Variants in CFAP77 observed in about 807,000 individuals in gnomAD.
The protein encoded by CFAP77 is cilia- and flagella-associated protein 77.
In CFAP77, 25 loss-of-function variants were observed where a neutral mutation model predicts 31.1. The ratio of observed to expected loss-of-function variants is 0.80; its 90% confidence interval spans 0.59 to 1.12. The LOEUF (loss-of-function observed/expected upper bound fraction) is 1.12, where lower values mean the gene tolerates loss of function less well. CFAP77 is among the 50% of genes most tolerant of loss of function. The probability of loss-of-function intolerance (pLI) is 0.00; values close to 1 mark genes in which losing one functional copy is unlikely to be tolerated. For missense variants in CFAP77, 377 were observed against 397.3 expected, an observed-to-expected ratio of 0.95 and a Z score of 0.44; for synonymous variants, 151 against 159.9, an observed-to-expected ratio of 0.94 and a Z score of 0.42.
intron 5 of CFAP77, among the ~76,000 whole-genome samples, chr9:132,553,416 A>G (rs1009379651): frequency 2.0e-5 from 3 of 152,176 alleles, no homozygotes; most frequent in Admixed American, 6.5e-5. Context: ...AGCCTGGGCA[A>G]CTAAGTGAGA....
intron 1 of CFAP77, among the ~76,000 whole-genome samples, chr9:132,476,046 C>T (rs2118889101): frequency 6.6e-6 from 1 of 152,374 alleles, no homozygotes; most frequent in African/African-American, 2.4e-5. Flanking sequence ...TGCACCATAG[C>T]TCTGCATTCA....
At chr9:132,451,316 C>T (rs1850823259) in intron 1 of CFAP77, among the ~76,000 whole-genome samples, 1 of 139,758 alleles carries the variant, frequency 7.2e-6, no homozygotes, top group South Asian at 2.3e-4. Context: ...CCAGCCTGGG[C>T]AACAAGAGCG....
chr9:132,572,259 A>C, intron 5 of CFAP77, 129 bp from the exon 6 acceptor site: 1 of 1,202,634 alleles, frequency 8.3e-7, no homozygotes, highest in South Asian at 1.5e-5. Context: ...ACTTGCTGTG[A>C]CTTCCTCCCT....
chr9:132,510,147 C>T (rs1045534102), intron 3 of CFAP77, among the ~76,000 whole-genome samples: 2 of 152,186 alleles, frequency 1.3e-5, no homozygotes, highest in African/African-American at 4.8e-5. Flanking sequence ...CCTGGCCAGG[C>T]CCGAACCCCA....
chr9:132,530,171 A>T (rs1589909387), intron 3 of CFAP77, among the ~76,000 whole-genome samples: 2 of 95,880 alleles, frequency 2.1e-5, no homozygotes, highest in Admixed American at 1.4e-4. Context: ...TTTTGTAGAG[A>T]GGGTTTTGCC....
intron 1 of CFAP77, among the ~76,000 whole-genome samples, chr9:132,438,538 T>TATAC: frequency 9.3e-6 from 1 of 107,308 alleles, no homozygotes; most frequent in South Asian, 3.2e-4. Flanking sequence ...TATATATATA[T>TATAC]ATATTTTTTT....
chr9:132,463,712 G>A (rs977938518), intron 1 of CFAP77, among the ~76,000 whole-genome samples: 13 of 152,328 alleles, frequency 8.5e-5, no homozygotes, highest in African/African-American at 3.1e-4. Context: ...AGTGGGCACC[G>A]TCTCTTCCCA....
At chr9:132,472,272 C>G (rs1223731102) in intron 1 of CFAP77, among the ~76,000 whole-genome samples, 1 of 152,188 alleles carries the variant, frequency 6.6e-6, no homozygotes, top group Non-Finnish European at 1.5e-5. Flanking sequence ...TACTGGCACT[C>G]AGGGAGGTCT....
chr9:132,521,231 G>A (rs1330505584), intron 3 of CFAP77, among the ~76,000 whole-genome samples: 3 of 152,202 alleles, frequency 2.0e-5, no homozygotes, highest in Non-Finnish European at 4.4e-5. Flanking sequence ...GGAATCAAGA[G>A]GCCACGTGTC....
chr9:132,486,086 A>AT (rs1352998263), intron 1 of CFAP77, among the ~76,000 whole-genome samples: 4 of 17,614 alleles, frequency 2.3e-4, no homozygotes, highest in Admixed American at 8.3e-4. Context: ...ATATATATAT[A>AT]TATATTTTTT....
intron 5 of CFAP77, among the ~76,000 whole-genome samples, chr9:132,544,151 G>A (rs1168027311): frequency 7.7e-6 from 1 of 129,642 alleles, no homozygotes; most frequent in Non-Finnish European, 1.7e-5. Flanking sequence ...GGAGAAACCT[G>A]CTCTGCCCCC....
intron 1 of CFAP77, among the ~76,000 whole-genome samples, chr9:132,416,604 A>G (rs1371007984): frequency 6.7e-6 from 1 of 150,306 alleles, no homozygotes; most frequent in Admixed American, 6.6e-5. Context: ...CAGGCTCCCA[A>G]AGTGCTGGGA....
At chr9:132,489,027 G>A (rs1054741280) in intron 1 of CFAP77, among the ~76,000 whole-genome samples, 5 of 152,176 alleles carry the variant, frequency 3.3e-5, no homozygotes, top group African/African-American at 1.2e-4. Context: ...CGGTTTGAAG[G>A]CAGCTGAGGA....
chr9:132,513,816 G>A (rs1049511342), intron 3 of CFAP77, among the ~76,000 whole-genome samples: 25 of 152,268 alleles, frequency 1.6e-4, no homozygotes, highest in Admixed American at 1.4e-3. Context: ...TGCCTGTGCC[G>A]ACAACCCCAA....
chr9:132,563,895 C>T (rs1258040332), intron 5 of CFAP77, among the ~76,000 whole-genome samples: 1 of 152,148 alleles, frequency 6.6e-6, no homozygotes, highest in Non-Finnish European at 1.5e-5. Context: ...CTCAGATTTC[C>T]CCTCTGGAAA....
At chr9:132,437,426 C>T (rs1044055401) in intron 1 of CFAP77, among the ~76,000 whole-genome samples, 2 of 150,808 alleles carry the variant, frequency 1.3e-5, no homozygotes, top group Non-Finnish European at 2.9e-5. Context: ...AGGAAAGAGT[C>T]GTGGATGTCA....
At chr9:132,500,200 G>C (rs563225854) in intron 3 of CFAP77, among the ~76,000 whole-genome samples, 51 of 151,896 alleles carry the variant, frequency 3.4e-4, no homozygotes, top group African/African-American at 1.2e-3. Context: ...AGTGACAGAT[G>C]GGAGAGCCTG....
intron 1 of CFAP77, among the ~76,000 whole-genome samples, chr9:132,425,829 G>A (rs1349256922): frequency 6.6e-6 from 1 of 152,210 alleles, no homozygotes; most frequent in Admixed American, 6.5e-5. Flanking sequence ...TTCCCACTGT[G>A]TTAGAACTAG....
chr9:132,416,036 A>G (rs1443084131), intron 1 of CFAP77, among the ~76,000 whole-genome samples: 1 of 152,136 alleles, frequency 6.6e-6, no homozygotes, highest in Non-Finnish European at 1.5e-5. Flanking sequence ...GTGTGTGTGT[A>G]ATGCTTGTAA....
Sources: gnomAD v4.1 joint callset for allele counts (sites outside exome capture counted in the v4.1 genomes callset) on GRCh38, gnomAD v4.1.1 for gene constraint, MANE v1.5 for transcripts, NCBI Gene and HGNC (gene_info 2026-07-23, HGNC 2026-07-21) for gene names.